Variants in MARCHF6 observed in about 807,000 individuals in gnomAD.
MARCHF6 encodes membrane associated ring-CH-type finger 6.
MARCHF6 carries 31 observed loss-of-function variants against 133.7 expected under a neutral mutation model. The observed-to-expected ratio is 0.23, with a 90% confidence interval of 0.17 to 0.31. The LOEUF is 0.31. Among genes scored for constraint, MARCHF6 ranks in the 10% least tolerant of loss-of-function variants. The pLI, the probability that MARCHF6 is intolerant of heterozygous loss-of-function variation, is 1.00. For missense variants in MARCHF6, 723 were observed against 1,121.6 expected (o/e 0.64, Z 5.08); for synonymous variants, 395 against 402.5 (o/e 0.98, Z 0.22).
intron 1 of MARCHF6, among the ~76,000 whole-genome samples, chr5:10,371,904 A>G (rs183573589): frequency 2.6e-5 from 4 of 152,292 alleles, no homozygotes; most frequent in East Asian, 3.9e-4. Flanking sequence ...AGTCTGAGAC[A>G]GGATGATTGC....
chr5:10,406,644 T>G (rs890300598), intron 16 of MARCHF6, among the ~76,000 whole-genome samples: 3 of 152,102 alleles, frequency 2.0e-5, no homozygotes, highest in African/African-American at 7.2e-5. Context: ...CACCTCAGCC[T>G]CCCAAAGTGC....
At chr5:10,372,505 T>C (rs1043969757) in intron 1 of MARCHF6, among the ~76,000 whole-genome samples, 1 of 122,120 alleles carries the variant, frequency 8.2e-6, no homozygotes, top group Non-Finnish European at 1.8e-5. Context: ...TAATAATATG[T>C]TAGAATTCCC....
chr5:10,419,065 C>T (rs894951624), intron 22 of MARCHF6, among the ~76,000 whole-genome samples: 1 of 152,146 alleles, frequency 6.6e-6, no homozygotes, highest in African/African-American at 2.4e-5. Flanking sequence ...TGGGGAACTG[C>T]CTCCTTTCTA....
At chr5:10,412,700 C>G (rs9312732) in intron 19 of MARCHF6, among the ~76,000 whole-genome samples, 1 of 151,802 alleles carries the variant, frequency 6.6e-6, no homozygotes, top group Non-Finnish European at 1.5e-5. Context: ...CTCAGCCGTC[C>G]GATTAGCTGG....
At chr5:10,371,824 T>C (rs187236043) in intron 1 of MARCHF6, among the ~76,000 whole-genome samples, 6 of 152,296 alleles carry the variant, frequency 3.9e-5, no homozygotes, top group Admixed American at 3.9e-4. Context: ...TTCTAGTACA[T>C]TATACCAAAT....
chr5:10,397,408 C>G (rs974293279), intron 10 of MARCHF6, 64 bp downstream of exon 10: 2 of 1,163,784 alleles, frequency 1.7e-6, no homozygotes, highest in Admixed American at 4.8e-5. Context: ...TTGTAGGAGC[C>G]TTGTTATAGG....
intron 19 of MARCHF6, among the ~76,000 whole-genome samples, chr5:10,412,899 G>A (rs1455019521): frequency 6.6e-6 from 1 of 152,128 alleles, no homozygotes; most frequent in Non-Finnish European, 1.5e-5. Context: ...AGAGGGTGAG[G>A]TGTATGTCCA....
intron 25 of MARCHF6, 93 bp downstream of exon 25, chr5:10,430,121 C>T: frequency 1.4e-6 from 2 of 1,401,156 alleles, no homozygotes; most frequent in East Asian, 2.4e-5. Flanking sequence ...GAAACATGCT[C>T]AGATTCTGGA....
intron 3 of MARCHF6, among the ~76,000 whole-genome samples, chr5:10,379,586 G>A (rs1391227745): frequency 6.6e-6 from 1 of 151,452 alleles, no homozygotes; most frequent in Non-Finnish European, 1.5e-5. Context: ...TCAGCCTCCC[G>A]AGTAGCTGGG....
At position 10,390,475 on chromosome 5, in the gene MARCHF6, A is replaced by T. The variant is rs755279989; in HGVS notation, c.551A>T (p.Asn184Ile). The T allele has an allele frequency of 6.2e-7, 1 of 1,613,834 alleles. No individual in the cohort carries two copies. Among genetic ancestry groups the T allele is most frequent in the Non-Finnish European group, 8.5e-7 (1 of 1,179,930 alleles). ...IWLEHAAPPF[N>I]AAGHHQNEAP... The stretch of plus-strand genomic sequence containing the variant: ...TTGGAGCATGCTGCCCCACCGTTCA[A>T]TGCTGCGGGGCATCACCAAAATGAG... Residue 184 changes from asparagine to isoleucine, a missense_variant, in exon 6 of 26, where the codon AAT becomes ATT. Asn to Ile is a moderately radical substitution (Grantham distance 149). This residue lies in a region of MARCHF6 where 97 missense variants were observed against 115.4 expected (regional missense o/e 0.84). Coordinates refer to ENST00000274140, the MANE Select transcript of MARCHF6 (RefSeq NM_005885.4).
At chr5:10,402,332 CT>C in intron 12 of MARCHF6, 51 bp from the exon 13 acceptor site, 1 of 1,463,386 alleles carries the variant, frequency 6.8e-7, no homozygotes, top group South Asian at 1.2e-5. Flanking sequence ...AAGTAGTTAC[CT>C]GTTTCATTGT....
chr5:10,364,977 A>G (rs991628676), intron 1 of MARCHF6, among the ~76,000 whole-genome samples: 4 of 151,654 alleles, frequency 2.6e-5, no homozygotes, highest in Admixed American at 1.3e-4. Context: ...CTAATTTTGT[A>G]TTTTTAGTAG....
At chr5:10,387,725 C>T (rs1737578485) in intron 5 of MARCHF6, among the ~76,000 whole-genome samples, 1 of 152,036 alleles carries the variant, frequency 6.6e-6, no homozygotes, top group South Asian at 2.1e-4. Context: ...GGGTAGGGTG[C>T]AGTGGTGTGA....
At position 10,394,791 on chromosome 5, in the gene MARCHF6, T is replaced by C. The variant is rs1738078389; in HGVS notation, c.861+6T>C. 1.3e-6 allele frequency: 2 copies of C among 1,541,998 alleles called. No individual in the cohort carries two copies. The highest frequency in any genetic ancestry group is 2.8e-5 in the African/African-American group (2 of 72,092). On this transcript the variant is annotated splice_donor_region_variant and intron_variant, in intron 9 of 25. Coordinates refer to ENST00000274140, the MANE Select transcript of MARCHF6 (RefSeq NM_005885.4). ...ATGGATCACTAGTTTTTCTGGTAAG[T>C]AAAACTAATTTTTTTTTTTTTTTTT...
At chr5:10,410,405 T>C in intron 18 of MARCHF6, 129 bp downstream of exon 18, 3 of 1,111,944 alleles carry the variant, frequency 2.7e-6, no homozygotes, top group Non-Finnish European at 2.5e-6. Flanking sequence ...TTTAGTAATA[T>C]TTGCAATTGC....
intron 23 of MARCHF6, among the ~76,000 whole-genome samples, chr5:10,424,466 C>G (rs1199061174): frequency 1.3e-5 from 2 of 152,218 alleles, no homozygotes; most frequent in African/African-American, 4.8e-5. Context: ...TTTCCTGCAT[C>G]TATTCTTTCT....
At position 10,438,564 on chromosome 5, in the gene MARCHF6, A is replaced by G. The variant is rs1314928819; in HGVS notation, c.*4880A>G. 1.3e-5 allele frequency: 2 copies of G among 152,204 alleles called. No homozygotes were observed. Among genetic ancestry groups the G allele is most frequent in the Admixed American group, 1.3e-4 (2 of 15,288 alleles). 9.4% of individuals were successfully genotyped at this position (152,204 alleles called of 1,614,324 possible). A position where few individuals can be genotyped will look rare whatever the true frequency, so the allele number is the denominator to read the frequency against. On this transcript the variant is annotated 3_prime_UTR_variant, in exon 26 of 26. Transcript: ENST00000274140. ...ACTCTTGTTGCAAACATGTAGTGAT[A>G]AGGAGAACTAACGTATCAAGGGGCT...
intron 9 of MARCHF6, among the ~76,000 whole-genome samples, chr5:10,396,803 AGAG>A (rs1028696615): frequency 2.0e-5 from 3 of 152,196 alleles, no homozygotes; most frequent in African/African-American, 7.2e-5. Flanking sequence ...TGGAGGGACC[AGAG>A]GAGATCAAGC....
intron 9 of MARCHF6, among the ~76,000 whole-genome samples, chr5:10,395,505 A>T (rs1240405586): frequency 6.6e-6 from 1 of 152,172 alleles, no homozygotes; most frequent in Non-Finnish European, 1.5e-5. Flanking sequence ...ATATTAGTAA[A>T]GATTGCAAGT....
Sources: allele counts gnomAD v4.1 joint callset (sites outside exome capture counted in the v4.1 genomes callset), GRCh38; gene constraint gnomAD v4.1.1; regional missense constraint gnomAD v4.1.1; transcripts MANE v1.5; gene names NCBI Gene and HGNC (gene_info 2026-07-23, HGNC 2026-07-21).